NSD2: variants seen among roughly 807,000 people sequenced by gnomAD.
The protein encoded by NSD2 is nuclear receptor binding SET domain protein 2, also known as histone-lysine N-methyltransferase NSD2.
NSD2 carries 12 observed loss-of-function variants against 139.0 expected under a neutral mutation model. That is an observed-to-expected ratio of 0.09 (90% CI 0.06 to 0.14). The LOEUF (loss-of-function observed/expected upper bound fraction) is 0.14. Ranked by LOEUF, NSD2 falls within the 10% of genes least tolerant of loss-of-function variation. The pLI, the probability that NSD2 is intolerant of heterozygous loss-of-function variation, is 1.00. For synonymous variants in NSD2, 669 were observed against 648.7 expected (o/e 1.03, Z -0.48); for missense variants, 1,155 against 1,745.0 (o/e 0.66, Z 6.02).
In NSD2 at chr4:1,958,373, A is replaced by T. The variant is rs1021887848; in HGVS notation, c.2985+337A>T. Among the ~76,000 whole-genome samples the T allele has an allele frequency of 6.6e-5, 10 of 152,240 alleles. No homozygotes were observed. Among genetic ancestry groups the T allele is most frequent in the Non-Finnish European group, 1.3e-4 (9 of 68,028 alleles). On this transcript the variant is annotated intron_variant, in intron 16 of 21. Transcript: ENST00000508803. This position sits in a 1 kb window ranked among gnomAD's most constrained non-coding sequence, Gnocchi z 4.6. Reference sequence around the variant, plus strand: ...TTGCCAAGTGCTGGGAGTCAGTCACATACGGCCAGGGCTCAGTGACTGAGC... The same window carrying T: ...TTGCCAAGTGCTGGGAGTCAGTCACTTACGGCCAGGGCTCAGTGACTGAGC...
At chr4:1,885,527 T>C (rs574076246) in intron 1 of NSD2, among the ~76,000 whole-genome samples, 1 of 152,336 alleles carries the variant, frequency 6.6e-6, no homozygotes, top group Non-Finnish European at 1.5e-5. Flanking sequence ...GTGGCCCCTG[T>C]TGACATGTAT....
intron 3 of NSD2, among the ~76,000 whole-genome samples, chr4:1,910,930 A>G (rs1718579095): frequency 6.6e-6 from 1 of 151,682 alleles, no homozygotes; most frequent in African/African-American, 2.4e-5. Context: ...TGTCGTTGTG[A>G]CTTTGCTCCT....
chr4:1,930,918 G>T, intron 6 of NSD2, 148 bp downstream of exon 6: 2 of 983,386 alleles, frequency 2.0e-6, no homozygotes, highest in African/African-American at 1.6e-5. Flanking sequence ...AAGTGCGTGT[G>T]GTCACAGTAA....
intron 17 of NSD2, 120 bp from the exon 18 acceptor site, chr4:1,960,915 C>G: frequency 1.5e-6 from 1 of 670,226 alleles, no homozygotes; most frequent in Non-Finnish European, 2.7e-6. Context: ...ACGCCCTCCA[C>G]GGAGGTATGC....
intron 5 of NSD2, among the ~76,000 whole-genome samples, chr4:1,926,150 A>T (rs1577458707): frequency 2.5e-5 from 3 of 121,534 alleles, no homozygotes; most frequent in Non-Finnish European, 5.2e-5. Context: ...TTGGGCCTGA[A>T]TTTTTTTTTT....
intron 11 of NSD2, chr4:1,953,092 T>C (rs1724447965): frequency 2.7e-6 from 4 of 1,497,254 alleles, no homozygotes; most frequent in Non-Finnish European, 3.6e-6. Context: ...AGTAAGATTC[T>C]CCTGTATTTC....
chr4:1,972,462 G>C lies in NSD2; in HGVS notation c.3373-2401G>C, dbSNP rs1288391441. Among the ~76,000 whole-genome samples the C allele has an allele frequency of 6.6e-6, 1 of 152,242 alleles. No homozygotes were observed. Among genetic ancestry groups the C allele is most frequent in the African/African-American group, 2.4e-5 (1 of 41,462 alleles). On this transcript the variant is annotated intron_variant, in intron 18 of 21. Coordinates refer to ENST00000508803, the MANE Select transcript of NSD2 (RefSeq NM_001042424.3). This position sits in a 1 kb window ranked among gnomAD's most constrained non-coding sequence, Gnocchi z 4.0. ...GCAGGTCTAGCCAGTGCTTTATCTTGAAGCCTTACTGTGGGAAGGGTGGGC... is the reference window on the plus strand; with the variant it reads ...GCAGGTCTAGCCAGTGCTTTATCTTCAAGCCTTACTGTGGGAAGGGTGGGC...
rs138833364 is a variant in NSD2, at chr4:1,950,586, C to T, written c.1882-486C>T. Among the ~76,000 whole-genome samples, 1,436 of 152,348 alleles carry T rather than the reference C, an allele frequency of 9.4e-3. 11 individuals are homozygous for T. The highest frequency in any genetic ancestry group is 0.065 in the Middle Eastern group (19 of 294). ...TCTGAAAGGACGCATGGTCTCCACCCCGGCGGCAGCTGGACTGCACGGTCA... is the reference window on the plus strand; with the variant it reads ...TCTGAAAGGACGCATGGTCTCCACCTCGGCGGCAGCTGGACTGCACGGTCA... On this transcript the variant is annotated intron_variant, in intron 9 of 21. Transcript: ENST00000508803.
intron 18 of NSD2, among the ~76,000 whole-genome samples, chr4:1,971,727 C>T (rs1208487095): frequency 6.6e-6 from 1 of 152,118 alleles, no homozygotes. Flanking sequence ...GCATGGAGAG[C>T]AGTTCCTTGT....
intron 5 of NSD2, among the ~76,000 whole-genome samples, chr4:1,926,495 G>A (rs1465902479): frequency 1.3e-5 from 2 of 151,738 alleles, no homozygotes; most frequent in Admixed American, 1.3e-4. Flanking sequence ...TTTTGAGACA[G>A]GGTCTCACTC....
intron 1 of NSD2, among the ~76,000 whole-genome samples, chr4:1,891,856 C>CAA (rs74332369): frequency 3.0e-4 from 18 of 59,126 alleles, no homozygotes; most frequent in Non-Finnish European, 5.5e-4. Flanking sequence ...GACTCCATCT[C>CAA]AAAAAAAAAA....
At chr4:1,872,581 TGTGTGTGTGTGAGAGAGAGA>T (rs1246548269) in intron 1 of NSD2, among the ~76,000 whole-genome samples, 14 of 66,196 alleles carry the variant, frequency 2.1e-4, no homozygotes, top group African/African-American at 6.8e-4. Flanking sequence ...TGTGTGTGTG[TGTGTGTGTGTGAGAGAGAGA>T]GAGAGAGAGA....
chr4:1,945,235 T>G (rs1723498157), intron 9 of NSD2: 2 of 1,064,284 alleles, frequency 1.9e-6, no homozygotes, highest in Admixed American at 1.1e-4. Context: ...CGGGGTGGGG[T>G]GGGGAGATGG....
At chr4:1,943,450 T>A in intron 9 of NSD2, 1 of 1,044,858 alleles carries the variant, frequency 9.6e-7, no homozygotes, top group Non-Finnish European at 1.2e-6. Context: ...TCATTCTATT[T>A]TTATCCAAAA....
chr4:1,938,383 T>G, intron 7 of NSD2, 68 bp from the exon 8 acceptor site: 1 of 1,256,924 alleles, frequency 8.0e-7, no homozygotes, highest in Non-Finnish European at 1.1e-6. Flanking sequence ...TTTTCTTTTT[T>G]TTTCCTTTTT....
intron 5 of NSD2, among the ~76,000 whole-genome samples, chr4:1,928,760 G>T (rs967633074): frequency 6.6e-6 from 1 of 152,088 alleles, no homozygotes; most frequent in Non-Finnish European, 1.5e-5. Flanking sequence ...GGGTGGGAGG[G>T]CAGCAGGCCC....
intron 9 of NSD2, chr4:1,947,464 C>T: frequency 9.4e-7 from 1 of 1,058,668 alleles, no homozygotes; most frequent in Non-Finnish European, 1.1e-6. Flanking sequence ...CAGCCCTGAC[C>T]CTAGAATTTA....
At chr4:1,874,674 A>G (rs960980448) in intron 1 of NSD2, among the ~76,000 whole-genome samples, 3 of 152,234 alleles carry the variant, frequency 2.0e-5, no homozygotes, top group Non-Finnish European at 4.4e-5. Flanking sequence ...TTGCAAGTAT[A>G]TAAGTCCAAC....
chr4:1,888,732 A>AT (rs1350561757), intron 1 of NSD2, among the ~76,000 whole-genome samples: 1 of 148,938 alleles, frequency 6.7e-6, no homozygotes, highest in African/African-American at 2.5e-5. Flanking sequence ...CGCCTGGCTA[A>AT]TTTTTGTATT....
Sources: allele counts gnomAD v4.1 joint callset (sites outside exome capture counted in the v4.1 genomes callset), GRCh38; gene constraint gnomAD v4.1.1; non-coding constraint Gnocchi (gnomAD v3.1); transcripts MANE v1.5; gene names NCBI Gene and HGNC (gene_info 2026-07-23, HGNC 2026-07-21).